Variants in PRR16 observed in about 807,000 individuals in gnomAD.
PRR16 encodes the protein protein Largen.
In PRR16, 6 loss-of-function variants were observed where a neutral mutation model predicts 18.2. The observed-to-expected ratio is 0.33, with a 90% CI of 0.18 to 0.65. The LOEUF is 0.65. Ranked by LOEUF, PRR16 falls within the 30% of genes least tolerant of loss-of-function variation. The pLI is 0.74. For synonymous variants in PRR16, 151 were observed against 147.8 expected (o/e 1.02, Z -0.16); for missense variants, 412 against 376.6 (o/e 1.09, Z -0.78).
chr5:120,750,535 C>G, the PRR16 span, among the ~76,000 whole-genome samples: 1 of 151,648 alleles, frequency 6.6e-6, no homozygotes, highest in East Asian at 1.9e-4. Flanking sequence ...AGTGTGGTGG[C>G]GCATACCTGT....
At chr5:120,594,598 A>G (rs1189332863) in intron 1 of PRR16, among the ~76,000 whole-genome samples, 1 of 152,150 alleles carries the variant, frequency 6.6e-6, no homozygotes, top group East Asian at 1.9e-4. Flanking sequence ...CAGTACTAGA[A>G]AAAAACTATT....
the PRR16 span, among the ~76,000 whole-genome samples, chr5:120,782,110 A>G: frequency 1.3e-5 from 2 of 152,222 alleles, no homozygotes; most frequent in Non-Finnish European, 2.9e-5. Context: ...AAACACCCAC[A>G]ATAAACCATA....
At chr5:120,762,093 A>ATTTTC in the PRR16 span, among the ~76,000 whole-genome samples, 1 of 151,902 alleles carries the variant, frequency 6.6e-6, no homozygotes, top group Non-Finnish European at 1.5e-5. Flanking sequence ...TACATACCAC[A>ATTTTC]TTTTCTTTTC....
At chr5:120,606,376 T>C (rs1297177158) in intron 1 of PRR16, among the ~76,000 whole-genome samples, 1 of 151,462 alleles carries the variant, frequency 6.6e-6, no homozygotes, top group East Asian at 1.9e-4. Flanking sequence ...ACATTAGTCA[T>C]TTATATTTCA....
At chr5:120,564,185 T>C (rs1752662492) in intron 1 of PRR16, among the ~76,000 whole-genome samples, 1 of 152,168 alleles carries the variant, frequency 6.6e-6, no homozygotes, top group Admixed American at 6.5e-5. Flanking sequence ...TGAGTCACTT[T>C]TGTTGCTGTG....
chr5:120,738,101 A>G, the PRR16 span, among the ~76,000 whole-genome samples: 1 of 151,444 alleles, frequency 6.6e-6, no homozygotes, highest in Non-Finnish European at 1.5e-5. Flanking sequence ...ATAAAGAATC[A>G]TAAGAGAAGA....
the PRR16 span, among the ~76,000 whole-genome samples, chr5:120,793,715 A>G: frequency 1.3e-5 from 2 of 152,230 alleles, no homozygotes; most frequent in East Asian, 3.8e-4. Flanking sequence ...CAGAAATGAC[A>G]GAAGTATAGT....
In PRR16 at chr5:120,643,603, G is replaced by C. The variant is rs944996450; in HGVS notation, c.160-42351G>C. Among the ~76,000 whole-genome samples, 5 of 152,060 alleles carry C rather than the reference G, an allele frequency of 3.3e-5. No homozygotes were observed. In the South Asian group the frequency reaches 8.3e-4, roughly 25 times the overall value. ...GAATATTACAGGATATGTCCTAAAAGTATAACATTGATTAATTAGCCTTCA... is the reference window on the plus strand; with the variant it reads ...GAATATTACAGGATATGTCCTAAAACTATAACATTGATTAATTAGCCTTCA... On this transcript the variant is annotated intron_variant, in intron 1 of 1. Transcript: ENST00000407149.
At chr5:120,471,878 A>C (rs1467450995) in intron 1 of PRR16, among the ~76,000 whole-genome samples, 1 of 152,164 alleles carries the variant, frequency 6.6e-6, no homozygotes, top group African/African-American at 2.4e-5. Flanking sequence ...GTAGACTCAC[A>C]AGGTAGTCTG....
chr5:120,769,966 G>A, the PRR16 span, among the ~76,000 whole-genome samples: 1 of 151,776 alleles, frequency 6.6e-6, no homozygotes, highest in East Asian at 1.9e-4. Context: ...ATGAGGTTGA[G>A]CGTCTTTTCT....
the PRR16 span, among the ~76,000 whole-genome samples, chr5:120,723,297 A>C: frequency 6.6e-6 from 1 of 152,066 alleles, no homozygotes; most frequent in African/African-American, 2.4e-5. Flanking sequence ...CTCAATTTAT[A>C]TGTTTTCTGA....
the PRR16 span, among the ~76,000 whole-genome samples, chr5:120,702,736 G>A: frequency 1.3e-5 from 2 of 152,174 alleles, no homozygotes; most frequent in East Asian, 1.9e-4. Flanking sequence ...GAAGGGAGAG[G>A]TTGAAGAGTG....
At chr5:120,617,787 G>A (rs952681166) in intron 1 of PRR16, among the ~76,000 whole-genome samples, 6 of 152,038 alleles carry the variant, frequency 3.9e-5, no homozygotes, top group African/African-American at 9.7e-5. Context: ...GACATCAGAA[G>A]CATATTCATA....
the PRR16 span, among the ~76,000 whole-genome samples, chr5:120,721,610 GT>G: frequency 3.9e-5 from 6 of 152,030 alleles, no homozygotes; most frequent in Non-Finnish European, 5.9e-5. Flanking sequence ...GTGCCAAATT[GT>G]TGTGAGCAAG....
chr5:120,493,675 C>G (rs1244545501), intron 1 of PRR16, among the ~76,000 whole-genome samples: 1 of 152,230 alleles, frequency 6.6e-6, no homozygotes, highest in East Asian at 1.9e-4. Flanking sequence ...TACAGCTATA[C>G]CCACTTCTCT....
At chr5:120,682,548 C>T (rs574514749) in intron 1 of PRR16, among the ~76,000 whole-genome samples, 1 of 152,322 alleles carries the variant, frequency 6.6e-6, no homozygotes, top group African/African-American at 2.4e-5. Flanking sequence ...AAATCAGCTT[C>T]ACTGCCCTCC....
the PRR16 span, among the ~76,000 whole-genome samples, chr5:120,753,316 A>T: frequency 6.6e-6 from 1 of 152,022 alleles, no homozygotes; most frequent in Non-Finnish European, 1.5e-5. Flanking sequence ...TGGAAATAAG[A>T]CCACAGGAGG....
At chr5:120,614,788 A>G (rs1445035132) in intron 1 of PRR16, among the ~76,000 whole-genome samples, 2 of 152,188 alleles carry the variant, frequency 1.3e-5, no homozygotes, top group African/African-American at 4.8e-5. Context: ...AAAATGGAAA[A>G]AGTAGTGGCA....
the PRR16 span, among the ~76,000 whole-genome samples, chr5:120,754,192 A>AAC: frequency 1.0e-5 from 1 of 97,804 alleles, no homozygotes; most frequent in Middle Eastern, 8.1e-3. Flanking sequence ...TATAATATAT[A>AAC]ATTATATATT....
Sources: allele counts gnomAD v4.1 joint callset (sites outside exome capture counted in the v4.1 genomes callset), GRCh38; gene constraint gnomAD v4.1.1; transcripts MANE v1.5; gene names NCBI Gene and HGNC (gene_info 2026-07-23, HGNC 2026-07-21).